CREB5: variants seen among roughly 807,000 people sequenced by gnomAD.
CREB5 encodes the protein cyclic AMP-responsive element-binding protein 5.
A neutral mutation model predicts 57.1 loss-of-function variants in CREB5; 19 were observed. That is an observed-to-expected ratio of 0.33 (90% CI 0.23 to 0.49). The LOEUF is 0.49. Among genes scored for constraint, CREB5 ranks in the 20% least tolerant of loss-of-function variants. The pLI, the probability that CREB5 is intolerant of heterozygous loss-of-function variation, is 0.99. For synonymous variants in CREB5, 238 were observed against 238.3 expected (o/e 1.00, Z 0.01); for missense variants, 579 against 671.6 (o/e 0.86, Z 1.52).
intron 5 of CREB5, among the ~76,000 whole-genome samples, chr7:28,717,663 G>T (rs1292887404): frequency 6.6e-6 from 1 of 152,178 alleles, no homozygotes; most frequent in East Asian, 1.9e-4. Context: ...GCACGAGGGA[G>T]CCTCTCCCTC....
intron 5 of CREB5, among the ~76,000 whole-genome samples, chr7:28,717,581 C>G (rs1255521792): frequency 6.6e-6 from 1 of 152,180 alleles, no homozygotes; most frequent in East Asian, 1.9e-4. Flanking sequence ...CTAGACAGGG[C>G]TGTCTTCTCA....
intron 10 of CREB5, 109 bp from the exon 11 acceptor site, chr7:28,819,007 T>G (rs1809603503): frequency 7.9e-7 from 1 of 1,260,396 alleles, no homozygotes; most frequent in East Asian, 2.3e-5. Flanking sequence ...AACTTCTATT[T>G]CAAGTAAATA....
chr7:28,612,418 A>T (rs1467404572), intron 5 of CREB5, among the ~76,000 whole-genome samples: 1 of 152,150 alleles, frequency 6.6e-6, no homozygotes. Context: ...TCAATTAGGT[A>T]CAGGAGACAC....
At chr7:28,633,583 A>G (rs1035902744) in intron 5 of CREB5, among the ~76,000 whole-genome samples, 1 of 152,290 alleles carries the variant, frequency 6.6e-6, no homozygotes, top group East Asian at 1.9e-4. Flanking sequence ...CAAGGTGCTC[A>G]CACAGTGGTC....
chr7:28,794,879 T>C (rs974263985), intron 7 of CREB5, among the ~76,000 whole-genome samples: 1 of 152,174 alleles, frequency 6.6e-6, no homozygotes, highest in African/African-American at 2.4e-5. Flanking sequence ...CCAAGATGTA[T>C]ATATAGGGAT....
chr7:28,504,667 TGG>T (rs2128605041), intron 3 of CREB5, among the ~76,000 whole-genome samples: 1 of 152,266 alleles, frequency 6.6e-6, no homozygotes, highest in African/African-American at 2.4e-5. Flanking sequence ...AAATCTGAAG[TGG>T]CGCTGCATAA....
At chr7:28,428,834 C>T (rs550662093) in intron 1 of CREB5, among the ~76,000 whole-genome samples, 1 of 152,202 alleles carries the variant, frequency 6.6e-6, no homozygotes, top group South Asian at 2.1e-4. Context: ...CAGAGTGAGC[C>T]CCAGCCACGC....
chr7:28,440,936 A>T (rs1278276356), intron 1 of CREB5, among the ~76,000 whole-genome samples: 2 of 152,212 alleles, frequency 1.3e-5, no homozygotes, highest in Non-Finnish European at 2.9e-5. Context: ...GCATTGGGAT[A>T]TATAATGACT....
At chr7:28,628,321 A>G (rs942091326) in intron 5 of CREB5, among the ~76,000 whole-genome samples, 1 of 151,986 alleles carries the variant, frequency 6.6e-6, no homozygotes, top group African/African-American at 2.4e-5. Context: ...GAAACCTCTT[A>G]CCACTGGGGC....
intron 5 of CREB5, among the ~76,000 whole-genome samples, chr7:28,684,254 A>G (rs1800736781): frequency 6.6e-6 from 1 of 152,220 alleles, no homozygotes; most frequent in South Asian, 2.1e-4. Flanking sequence ...CAAACTTTAT[A>G]ACAACCACAT....
chr7:28,647,536 A>G (rs537923865), intron 5 of CREB5, among the ~76,000 whole-genome samples: 2 of 152,304 alleles, frequency 1.3e-5, no homozygotes, highest in African/African-American at 4.8e-5. Flanking sequence ...TACTATTAGA[A>G]GGCATTGCTC....
chr7:28,477,173 A>T (rs1047884194), intron 1 of CREB5, among the ~76,000 whole-genome samples: 1 of 152,220 alleles, frequency 6.6e-6, no homozygotes, highest in South Asian at 2.1e-4. Flanking sequence ...TGGGTAATCA[A>T]TCACTGTCCA....
chr7:28,678,152 C>G (rs562588809), intron 5 of CREB5, among the ~76,000 whole-genome samples: 1 of 152,268 alleles, frequency 6.6e-6, no homozygotes, highest in Admixed American at 6.5e-5. Context: ...CTTTGGGAGG[C>G]CAAGGCGGGT....
intron 5 of CREB5, among the ~76,000 whole-genome samples, chr7:28,701,190 G>A (rs1298198081): frequency 6.6e-6 from 1 of 152,182 alleles, no homozygotes; most frequent in Non-Finnish European, 1.5e-5. Flanking sequence ...AAACCCATTA[G>A]GAGGCTTTGA....
chr7:28,766,613 T>C (rs1053358627), intron 7 of CREB5, among the ~76,000 whole-genome samples: 7 of 152,214 alleles, frequency 4.6e-5, no homozygotes, highest in Non-Finnish European at 1.0e-4. Context: ...TGTCAGTGCA[T>C]GGCAAACATT....
chr7:28,569,429 A>G (rs1795610635), intron 4 of CREB5, among the ~76,000 whole-genome samples: 1 of 152,174 alleles, frequency 6.6e-6, no homozygotes, highest in Admixed American at 6.5e-5. Context: ...GTGTCTGAGT[A>G]ACTTTCTTTT....
chr7:28,696,267 A>G (rs1801552849), intron 5 of CREB5, among the ~76,000 whole-genome samples: 1 of 152,214 alleles, frequency 6.6e-6, no homozygotes, highest in African/African-American at 2.4e-5. Context: ...TGCACTGTGG[A>G]ACTATGCTGG....
chr7:28,341,558 T>G (rs574451615), intron 1 of CREB5, among the ~76,000 whole-genome samples: 1 of 152,304 alleles, frequency 6.6e-6, no homozygotes, highest in South Asian at 2.1e-4. Context: ...ATATACTACC[T>G]CCAACTGATT....
At chr7:28,406,363 C>T (rs1219857710) in intron 1 of CREB5, among the ~76,000 whole-genome samples, 3 of 152,230 alleles carry the variant, frequency 2.0e-5, no homozygotes, top group African/African-American at 7.2e-5. Context: ...CATCTATTCT[C>T]ATTGGTCACT....
Sources: allele counts gnomAD v4.1 joint callset (sites outside exome capture counted in the v4.1 genomes callset), GRCh38; gene constraint gnomAD v4.1.1; transcripts MANE v1.5; gene names NCBI Gene and HGNC (gene_info 2026-07-23, HGNC 2026-07-21).